Variants in PCDHGA4 observed in about 807,000 individuals in gnomAD.
PCDHGA4 encodes protocadherin gamma subfamily A, 4.
PCDHGA4 carries 38 observed loss-of-function variants against 54.6 expected under a neutral mutation model. The observed-to-expected ratio is 0.70, with a 90% CI of 0.54 to 0.91. The LOEUF is 0.91. Among genes scored for constraint, PCDHGA4 ranks in the 40% least tolerant of loss-of-function variants. PCDHGA4 has a pLI of 0.00. For synonymous variants in PCDHGA4, 511 were observed against 512.9 expected, an observed-to-expected ratio of 1.00 and a Z score of 0.05; for missense variants, 1,298 against 1,220.9, an observed-to-expected ratio of 1.06 and a Z score of -0.94.
rs757701298 is a variant in PCDHGA4 at position 141,356,901 on chromosome 5, C to T, written c.1794C>T (p.Phe598=). ...DNVPEILYPT[F]PTDGSTGVEL... ...TCCCTGAGATCCTGTACCCCACCTT[C>T]CCTACTGATGGCTCCACTGGTGTGG... Residue 598 remains phenylalanine, a synonymous_variant, in exon 1 of 4, where the codon TTC becomes TTT. Coordinates refer to ENST00000571252, the MANE Select transcript of PCDHGA4 (RefSeq NM_018917.4). 1.2e-6 allele frequency: 2 copies of T among 1,614,208 alleles called. No homozygotes were observed. The highest frequency in any genetic ancestry group is 1.7e-6 in the Non-Finnish European group (2 of 1,180,032).
intron 1 of PCDHGA4, chr5:141,421,459 G>T: frequency 6.2e-7 from 1 of 1,614,142 alleles, no homozygotes; most frequent in South Asian, 1.1e-5. Context: ...GCTTTTCGCT[G>T]TGAATCCGCG....
intron 1 of PCDHGA4, chr5:141,413,621 A>G (rs369411784): frequency 1.0e-4 from 161 of 1,613,784 alleles, no homozygotes; most frequent in Admixed American, 1.5e-4. Flanking sequence ...ATTAATGAAA[A>G]TGTCGCTGCG....
intron 1 of PCDHGA4, chr5:141,414,621 C>G: frequency 6.2e-7 from 1 of 1,613,996 alleles, no homozygotes; most frequent in Non-Finnish European, 8.5e-7. Flanking sequence ...CAGCGCTGGA[C>G]CCGGACAGCA....
intron 1 of PCDHGA4, chr5:141,396,168 T>C (rs2093349513): frequency 2.0e-5 from 3 of 152,184 alleles, no homozygotes; most frequent in Admixed American, 2.0e-4. Flanking sequence ...AGTTATTCAG[T>C]CTTGGCTGGA....
chr5:141,360,010 C>A, intron 1 of PCDHGA4: 1 of 1,236,796 alleles, frequency 8.1e-7, no homozygotes, highest in Non-Finnish European at 1.1e-6. Flanking sequence ...AAACCAACCA[C>A]ACAGAGAAGG....
chr5:141,360,594 A>T (rs1375239245), intron 1 of PCDHGA4: 2 of 1,614,032 alleles, frequency 1.2e-6, no homozygotes, highest in Admixed American at 3.3e-5. Flanking sequence ...CAACATTTCC[A>T]CTTGACCCAG....
Position 141,486,178 on chromosome 5 carries a change from C to A in PCDHGA4, c.2515-8629C>A, listed in dbSNP as rs767840363. On this transcript the variant is annotated intron_variant, in intron 1 of 3. Transcript: ENST00000571252. This position sits in a 1 kb window ranked among gnomAD's most constrained non-coding sequence, Gnocchi z 5.0. ...CTCCAGCCATGGAGCAACATTGCAG[C>A]CTTCGAGTGGATCTGCTGGACGTAA... 1.2e-6 allele frequency: 2 copies of A among 1,614,194 alleles called. No homozygotes were observed. The highest frequency in any genetic ancestry group is 2.2e-5 in the East Asian group (1 of 44,882).
At chr5:141,404,436 C>A in intron 1 of PCDHGA4, 1 of 1,612,704 alleles carries the variant, frequency 6.2e-7, no homozygotes, top group Non-Finnish European at 8.5e-7. Flanking sequence ...GCAGAGGATA[C>A]CATCCAAGGG....
chr5:141,366,351 A>T, intron 1 of PCDHGA4: 1 of 1,613,946 alleles, frequency 6.2e-7, no homozygotes, highest in Non-Finnish European at 8.5e-7. Context: ...ATCCTGGCTG[A>T]CCTAGGCAGT....
In PCDHGA4 at chr5:141,356,896, A is replaced by G; in HGVS notation, c.1789A>G (p.Thr597Ala). Residue 597 changes from threonine to alanine, a missense_variant, in exon 1 of 4, where the codon ACC becomes GCC. Physicochemically the swap from Thr to Ala is moderately conservative, Grantham distance 58 (BLOSUM62 0). Transcript: ENST00000571252. ...NDNVPEILYP[T>A]FPTDGSTGVE... The stretch of plus-strand genomic sequence containing the variant: ...CAATGTCCCTGAGATCCTGTACCCC[A>G]CCTTCCCTACTGATGGCTCCACTGG... 2 of 1,614,052 alleles carry G rather than the reference A, an allele frequency of 1.2e-6. No individual in the cohort carries two copies. Among genetic ancestry groups the G allele is most frequent in the Non-Finnish European group, 1.7e-6 (2 of 1,179,994 alleles).
At chr5:141,488,784 T>C (rs116057353) in intron 1 of PCDHGA4, among the ~76,000 whole-genome samples, 1 of 152,248 alleles carries the variant, frequency 6.6e-6, no homozygotes, top group African/African-American at 2.4e-5. Flanking sequence ...TTGTATCACT[T>C]TGTCTTCCCT....
At chr5:141,371,242 A>T in intron 1 of PCDHGA4, 1 of 1,614,034 alleles carries the variant, frequency 6.2e-7, no homozygotes, top group South Asian at 1.1e-5. Context: ...GCCTTCATCA[A>T]TATTGGCAAG....
chr5:141,442,786 A>T (rs569050347), intron 1 of PCDHGA4, among the ~76,000 whole-genome samples: 12 of 152,308 alleles, frequency 7.9e-5, no homozygotes, highest in African/African-American at 2.6e-4. Context: ...TATATTTTAT[A>T]ATTTTACTTT....
intron 1 of PCDHGA4, among the ~76,000 whole-genome samples, chr5:141,368,336 T>C (rs1395637644): frequency 6.6e-6 from 1 of 152,126 alleles, no homozygotes; most frequent in Non-Finnish European, 1.5e-5. Flanking sequence ...TCTATATCTA[T>C]ATACATATAC....
At position 141,361,962 on chromosome 5, in the gene PCDHGA4, G is replaced by A. The variant is rs773228526; in HGVS notation, c.2514+4341G>A. 5.6e-6 allele frequency: 9 copies of A among 1,602,186 alleles called. No individual in the cohort carries two copies. In the South Asian group the frequency reaches 8.8e-5, roughly 16 times the overall value. On this transcript the variant is annotated intron_variant, in intron 1 of 3. Transcript: ENST00000571252. ...ACGCTTGGCTGTCCTACCACGTGCTGCAGGCCAGCGAGCCCGGGCTCTTCA... is the reference window on the plus strand; with the variant it reads ...ACGCTTGGCTGTCCTACCACGTGCTACAGGCCAGCGAGCCCGGGCTCTTCA...
intron 1 of PCDHGA4, among the ~76,000 whole-genome samples, chr5:141,468,782 C>T (rs1280972843): frequency 2.0e-5 from 3 of 151,990 alleles, no homozygotes; most frequent in East Asian, 3.9e-4. Context: ...AGGAGAATGG[C>T]GTGAACCCGG....
chr5:141,409,303 C>G, intron 1 of PCDHGA4: 3 of 1,613,922 alleles, frequency 1.9e-6, no homozygotes, highest in South Asian at 2.2e-5. Flanking sequence ...TGGTTGTTGC[C>G]CTCTTCAAAA....
At chr5:141,404,265 T>G in intron 1 of PCDHGA4, 1 of 1,613,998 alleles carries the variant, frequency 6.2e-7, no homozygotes, top group Non-Finnish European at 8.5e-7. Context: ...GAAATTCACA[T>G]CACCCTGCAA....
rs772255343 is a variant in PCDHGA4, at chr5:141,432,272, G to C, written c.2515-62535G>C. On this transcript the variant is annotated intron_variant, in intron 1 of 3. Coordinates refer to ENST00000571252, the MANE Select transcript of PCDHGA4 (RefSeq NM_018917.4). This position sits in a 1 kb window ranked among gnomAD's most constrained non-coding sequence, Gnocchi z 6.0. ...CCAAGGGGCAAGCCTATCGTCCTAC[G>C]TGTCCATCAACTCCGACACTGGGGT... The C allele has an allele frequency of 3.1e-6, 5 of 1,614,210 alleles. No individual in the cohort carries two copies. Among genetic ancestry groups the C allele is most frequent in the Non-Finnish European group, 4.2e-6 (5 of 1,180,042 alleles).
Sources: allele counts gnomAD v4.1 joint callset (sites outside exome capture counted in the v4.1 genomes callset), GRCh38; gene constraint gnomAD v4.1.1; non-coding constraint Gnocchi (gnomAD v3.1); transcripts MANE v1.5; gene names NCBI Gene and HGNC (gene_info 2026-07-23, HGNC 2026-07-21).